DPP10: variants seen among roughly 807,000 people sequenced by gnomAD.
The protein encoded by DPP10 is inactive dipeptidyl peptidase 10.
A neutral mutation model predicts 120.9 loss-of-function variants in DPP10; 33 were observed. That is an observed-to-expected ratio of 0.27 (90% CI 0.21 to 0.37). The LOEUF (loss-of-function observed/expected upper bound fraction) is 0.37. DPP10 is among the 10% of genes least tolerant of loss of function. DPP10 has a pLI of 1.00. For synonymous variants in DPP10, 337 were observed against 326.1 expected (o/e 1.03, Z -0.36); for missense variants, 816 against 942.8 (o/e 0.87, Z 1.76).
chr2:114,977,547 G>A (rs1699829162), intron 1 of DPP10, among the ~76,000 whole-genome samples: 1 of 152,096 alleles, frequency 6.6e-6, no homozygotes, highest in Non-Finnish European at 1.5e-5. Flanking sequence ...GAAACTGAAT[G>A]TTTTGTACTA....
intron 3 of DPP10, among the ~76,000 whole-genome samples, chr2:115,491,684 T>C (rs2076133955): frequency 6.6e-6 from 1 of 151,946 alleles, no homozygotes; most frequent in Non-Finnish European, 1.5e-5. Context: ...ATGTTTCTGG[T>C]TGGAGATGTT....
intron 1 of DPP10, among the ~76,000 whole-genome samples, chr2:115,157,681 G>A (rs74661124): frequency 0.055 from 8,425 of 152,276 alleles, 342 homozygotes; most frequent in East Asian, 0.23. Flanking sequence ...CCCGATTGAG[G>A]TGAGTAGAGG....
In DPP10 at chr2:115,845,105, T is replaced by G. The variant is rs1477738436; in HGVS notation, c.*2760T>G. 2.0e-5 allele frequency: 3 copies of G among 152,204 alleles called. No homozygotes were observed. Among genetic ancestry groups the G allele is most frequent in the Non-Finnish European group, 4.4e-5 (3 of 68,030 alleles). 9.4% of individuals were successfully genotyped at this position (152,204 alleles called of 1,614,324 possible). A position where few individuals can be genotyped will look rare whatever the true frequency, so the allele number is the denominator to read the frequency against. Reference sequence around the variant, plus strand: ...GACTTAGACATTGGGCTTTACCATATTAGAGAATTACTTAAGCCATTGTCC... The same window carrying G: ...GACTTAGACATTGGGCTTTACCATAGTAGAGAATTACTTAAGCCATTGTCC... On this transcript the variant is annotated 3_prime_UTR_variant, in exon 26 of 26. Coordinates refer to ENST00000410059, the MANE Select transcript of DPP10 (RefSeq NM_020868.6).
At chr2:115,493,950 T>C (rs2076261575) in intron 3 of DPP10, among the ~76,000 whole-genome samples, 2 of 152,030 alleles carry the variant, frequency 1.3e-5, no homozygotes, top group African/African-American at 4.8e-5. Flanking sequence ...GTACTTTTTA[T>C]TTATTTATTT....
At chr2:115,530,933 A>G (rs769719360) in intron 5 of DPP10, among the ~76,000 whole-genome samples, 45 of 152,120 alleles carry the variant, frequency 3.0e-4, no homozygotes, top group Admixed American at 1.2e-3. Flanking sequence ...TCTTCCACCC[A>G]TTGAAGACTT....
intron 1 of DPP10, among the ~76,000 whole-genome samples, chr2:115,158,756 T>C (rs747289458): frequency 4.3e-4 from 65 of 152,300 alleles, no homozygotes; most frequent in South Asian, 1.2e-3. Flanking sequence ...TGATCAAAGA[T>C]AATACATGAA....
Position 115,292,463 on chromosome 2 carries a change from C to T in DPP10, c.61-16776C>T, listed in dbSNP as rs1027582090. 6.6e-5 allele frequency among the ~76,000 whole-genome samples: 10 copies of T among 152,112 alleles called. 1 individual carries two copies. Among genetic ancestry groups the T allele is most frequent in the South Asian group, 4.1e-4 (2 of 4,836 alleles). On this transcript the variant is annotated intron_variant, in intron 1 of 25. Transcript: ENST00000410059. ...TAAAACATGCCACATAACCTTTTCTCATGTCTCCATACTGAATCAATGCTT... is the reference window on the plus strand; with the variant it reads ...TAAAACATGCCACATAACCTTTTCTTATGTCTCCATACTGAATCAATGCTT...
chr2:115,051,150 A>G (rs1287747584), intron 1 of DPP10, among the ~76,000 whole-genome samples: 3 of 152,236 alleles, frequency 2.0e-5, no homozygotes, highest in Non-Finnish European at 4.4e-5. Flanking sequence ...GAAGCCATTC[A>G]TATAAACTGC....
chr2:114,662,018 A>C lies in DPP10; in HGVS notation c.60+219180A>C, dbSNP rs556967879. ...GGAAACTCCGTCTCCAAAAAAAAAA[A>C]AACAACCCGGGCTCTCCAGGCCGCG... On this transcript the variant is annotated intron_variant, in intron 1 of 25. Transcript: ENST00000410059. Among the ~76,000 whole-genome samples, 4 of 151,740 alleles carry C rather than the reference A, an allele frequency of 2.6e-5. No homozygotes were observed. The East Asian group carries it at 5.8e-4, about 22-fold the overall frequency.
chr2:115,102,850 A>G (rs886442498), intron 1 of DPP10, among the ~76,000 whole-genome samples: 7 of 152,154 alleles, frequency 4.6e-5, no homozygotes, highest in African/African-American at 1.7e-4. Context: ...ATATAGTGAC[A>G]GTGTCTGAAG....
In DPP10 at chr2:115,207,787, CT is replaced by C. The variant is rs542650806; in HGVS notation, c.61-101442del. Among the ~76,000 whole-genome samples, 16 of 147,592 alleles carry C rather than the reference CT, an allele frequency of 1.1e-4. No individual in the cohort carries two copies. The South Asian group carries it at 2.2e-3, about 20-fold the overall frequency. ...ATGAATGGAAATCCTTTGGAGGATTCTTTTTTTTTTCAGGGTTATGCGAAGA... is the reference window on the plus strand; with the variant it reads ...ATGAATGGAAATCCTTTGGAGGATTCTTTTTTTTTCAGGGTTATGCGAAGA... On this transcript the variant is annotated intron_variant, in intron 1 of 25. Transcript: ENST00000410059.
chr2:114,721,936 C>G (rs541654141), intron 1 of DPP10, among the ~76,000 whole-genome samples: 43 of 152,308 alleles, frequency 2.8e-4, no homozygotes, highest in African/African-American at 9.6e-4. Context: ...CAGCTCTCTT[C>G]TTTGTAGTAT....
intron 19 of DPP10, among the ~76,000 whole-genome samples, chr2:115,807,424 G>T (rs917296156): frequency 2.0e-5 from 3 of 152,118 alleles, no homozygotes; most frequent in Non-Finnish European, 2.9e-5. Flanking sequence ...ATGCTGTTCA[G>T]TGTTTCAACT....
At chr2:114,889,410 A>T (rs1356638906) in intron 1 of DPP10, among the ~76,000 whole-genome samples, 2 of 151,786 alleles carry the variant, frequency 1.3e-5, no homozygotes, top group Non-Finnish European at 2.9e-5. Flanking sequence ...GAAATTTTAT[A>T]CATTATATAT....
At chr2:115,103,614 G>A (rs1008617548) in intron 1 of DPP10, among the ~76,000 whole-genome samples, 1 of 152,184 alleles carries the variant, frequency 6.6e-6, no homozygotes, top group African/African-American at 2.4e-5. Context: ...AAGGAATATA[G>A]ATGATTATGC....
At chr2:115,542,040 A>T (rs566337342) in intron 5 of DPP10, among the ~76,000 whole-genome samples, 1 of 152,094 alleles carries the variant, frequency 6.6e-6, no homozygotes, top group South Asian at 2.1e-4. Flanking sequence ...TCAAAACCAG[A>T]CAATTGACTA....
At chr2:114,519,549 G>A (rs1485347681) in intron 1 of DPP10, among the ~76,000 whole-genome samples, 2 of 152,210 alleles carry the variant, frequency 1.3e-5, no homozygotes, top group Admixed American at 6.5e-5. Context: ...AGAAGGCCAA[G>A]CATCTCAATT....
At chr2:114,634,058 T>C (rs1041040164) in intron 1 of DPP10, among the ~76,000 whole-genome samples, 1 of 151,946 alleles carries the variant, frequency 6.6e-6, no homozygotes, top group Non-Finnish European at 1.5e-5. Context: ...GATTTAAAAA[T>C]ATACCCCACT....
chr2:114,453,650 C>A (rs557732578), intron 1 of DPP10, among the ~76,000 whole-genome samples: 3 of 152,240 alleles, frequency 2.0e-5, no homozygotes, highest in South Asian at 4.1e-4. Flanking sequence ...GTTAGATATG[C>A]AACAGTTGAC....
Sources: allele counts gnomAD v4.1 joint callset (sites outside exome capture counted in the v4.1 genomes callset), GRCh38; gene constraint gnomAD v4.1.1; transcripts MANE v1.5; gene names NCBI Gene and HGNC (gene_info 2026-07-23, HGNC 2026-07-21).